CLSPN: variants seen among roughly 807,000 people sequenced by gnomAD.
The protein encoded by CLSPN is claspin.
Under a neutral mutation model 156.3 loss-of-function variants are expected in CLSPN, and 85 were observed. That is an observed-to-expected ratio of 0.54 (90% confidence interval 0.46 to 0.65). The LOEUF (loss-of-function observed/expected upper bound fraction) is 0.65, where lower values mean the gene tolerates loss of function less well. CLSPN is among the 30% of genes least tolerant of loss of function. The pLI is 0.00. For missense variants in CLSPN, 1,407 were observed against 1,554.9 expected, an observed-to-expected ratio of 0.90 and a Z score of 1.60; for synonymous variants, 534 against 542.4, an observed-to-expected ratio of 0.98 and a Z score of 0.22.
intron 9 of CLSPN, among the ~76,000 whole-genome samples, chr1:35,752,936 T>C (rs981958533): frequency 3.9e-5 from 6 of 152,224 alleles, no homozygotes; most frequent in African/African-American, 9.7e-5. Context: ...TTGGGAAGAC[T>C]AGTTTTTCAT....
chr1:35,736,472 T>C lies in CLSPN; in HGVS notation c.*24A>G. 6.4e-7 allele frequency: 1 copy of C among 1,566,366 alleles called. No homozygotes were observed. Among genetic ancestry groups the C allele is most frequent in the Non-Finnish European group, 8.6e-7 (1 of 1,159,462 alleles). The stretch of plus-strand genomic sequence containing the variant: ...GAAACTTCTCAAAGCAGTCTCAATG[T>C]AGATTTTGGCACCTTTGATGGTGTT... On this transcript the variant is annotated 3_prime_UTR_variant, in exon 25 of 25. Coordinates refer to ENST00000318121, the MANE Select transcript of CLSPN (RefSeq NM_022111.4).
At chr1:35,755,799 C>T (rs1642254684) in intron 8 of CLSPN, among the ~76,000 whole-genome samples, 1 of 152,170 alleles carries the variant, frequency 6.6e-6, no homozygotes, top group Non-Finnish European at 1.5e-5. Context: ...ACCTTGACCT[C>T]CTGGGTTTAA....
chr1:35,766,946 A>G (rs1292019918), intron 1 of CLSPN, among the ~76,000 whole-genome samples: 1 of 136,808 alleles, frequency 7.3e-6, no homozygotes, highest in African/African-American at 2.8e-5. Context: ...GGGGTTTCAC[A>G]ATGTTAGCCA....
chr1:35,751,629 CTTT>C, intron 9 of CLSPN, 123 bp from the exon 10 acceptor site: 3 of 1,297,156 alleles, frequency 2.3e-6, no homozygotes, highest in Non-Finnish European at 2.1e-6. Context: ...GTATTCTGGG[CTTT>C]TTTGTTATTT....
chr1:35,745,944 T>C (rs1038029463), intron 15 of CLSPN, among the ~76,000 whole-genome samples: 1 of 152,224 alleles, frequency 6.6e-6, no homozygotes, highest in East Asian at 1.9e-4. Flanking sequence ...GCAGTCTTTT[T>C]TTTTTTCAAG....
In CLSPN at chr1:35,736,579, T is replaced by C. The variant is rs1641482318; in HGVS notation, c.3937A>G (p.Thr1313Ala). ...QVKKRGPSFM[T>A]SPSPKHLKTD... is the part of the protein sequence containing the mutation. ...TTGAGGTGCTTAGGTGAAGGAGAAG[T>C]CATGAAAGATGGACCCCTTTTCTTT... Residue 1313 changes from threonine (T) to alanine (A), a missense_variant, in exon 25 of 25, where the codon ACT (threonine) becomes GCT (alanine). By Grantham distance (58) the Thr-to-Ala change is moderately conservative (BLOSUM62 0). This residue lies in a region of CLSPN where 241 missense variants were observed against 240.5 expected (regional missense o/e 1.00). Transcript: ENST00000318121. 1 of 1,612,190 alleles carries C rather than the reference T, an allele frequency of 6.2e-7. No homozygotes were observed. Among genetic ancestry groups the C allele is most frequent in the African/African-American group, 1.3e-5 (1 of 74,828 alleles).
At chr1:35,736,791 T>C in intron 24 of CLSPN, 123 bp downstream of exon 24, 3 of 1,321,052 alleles carry the variant, frequency 2.3e-6, no homozygotes, top group Non-Finnish European at 3.1e-6. Context: ...TTGTACCTTA[T>C]CGGGGAGTGC....
intron 18 of CLSPN, among the ~76,000 whole-genome samples, chr1:35,740,346 A>G (rs1641648347): frequency 6.6e-6 from 1 of 151,980 alleles, no homozygotes; most frequent in African/African-American, 2.4e-5. Flanking sequence ...CCTTGGTCCC[A>G]TGTGGTCCAA....
intron 1 of CLSPN, among the ~76,000 whole-genome samples, chr1:35,768,175 C>T (rs1642735104): frequency 6.6e-6 from 1 of 152,148 alleles, no homozygotes; most frequent in South Asian, 2.1e-4. Flanking sequence ...CGAGACTAGC[C>T]TGGCCAATAC....
Position 35,753,804 on chromosome 1 carries a change from T to A in CLSPN, c.1712A>T (p.Asp571Val). Reference protein sequence around the residue: ...GTDGKEELKADVVPVTLAPKK... With the variant: ...GTDGKEELKAVVVPVTLAPKK... Reference sequence around the variant, plus strand: ...AGGTGCTAAAGTCACAGGTACCACATCTGCTTTTAGCTCTTCCTTTCCATC... The same window carrying A: ...AGGTGCTAAAGTCACAGGTACCACAACTGCTTTTAGCTCTTCCTTTCCATC... Residue 571 changes from aspartate to valine, a missense_variant, in exon 9 of 25, where the codon GAT (aspartate) becomes GTT (valine). By Grantham distance (152) the Asp-to-Val change is radical. Coordinates refer to ENST00000318121, the MANE Select transcript of CLSPN (RefSeq NM_022111.4). The A allele has an allele frequency of 2.5e-6, 4 of 1,614,234 alleles. No individual in the cohort carries two copies. Among genetic ancestry groups the A allele is most frequent in the Non-Finnish European group, 3.4e-6 (4 of 1,180,040 alleles).
At chr1:35,758,412 A>G (rs1188080962) in intron 8 of CLSPN, among the ~76,000 whole-genome samples, 2 of 152,172 alleles carry the variant, frequency 1.3e-5, no homozygotes, top group East Asian at 3.8e-4. Flanking sequence ...TGGGAGGCTG[A>G]GGCAGGCAGA....
intron 9 of CLSPN, among the ~76,000 whole-genome samples, chr1:35,751,814 C>T (rs576250550): frequency 2.0e-5 from 3 of 150,734 alleles, no homozygotes; most frequent in South Asian, 2.2e-4. Context: ...GATAAATTTA[C>T]CTATATTAAA....
In CLSPN at chr1:35,764,367, T is replaced by C. The variant is rs1206378296; in HGVS notation, c.481A>G (p.Thr161Ala). Reference protein sequence around the residue: ...SKKHIHDKEGTAGKAKVKSKR... With the variant: ...SKKHIHDKEGAAGKAKVKSKR... Reference sequence around the variant, plus strand: ...GATTTTACTTTTGCTTTTCCTGCAGTTCCTTCTTTATCATGTATGTGCTTT... The same window carrying C: ...GATTTTACTTTTGCTTTTCCTGCAGCTCCTTCTTTATCATGTATGTGCTTT... Residue 161 changes from threonine to alanine, a missense_variant, in exon 3 of 25, where the codon ACT (threonine) becomes GCT (alanine). Physicochemically the swap from Thr to Ala is moderately conservative, Grantham distance 58. Transcript: ENST00000318121. 3.7e-6 allele frequency: 6 copies of C among 1,610,670 alleles called. No homozygotes were observed. The highest frequency in any genetic ancestry group is 5.1e-6 in the Non-Finnish European group (6 of 1,178,886).
In CLSPN at chr1:35,735,717, A is replaced by G. The variant is rs186895712; in HGVS notation, c.*779T>C. 1 of 984,814 alleles carries G rather than the reference A, an allele frequency of 1.0e-6. No individual in the cohort carries two copies. Among genetic ancestry groups the G allele is most frequent in the East Asian group, 1.1e-4 (1 of 8,774 alleles). The allele number at this position is 984,814 out of a possible 1,614,324, so 61.0% of individuals were successfully genotyped here. A position where few individuals can be genotyped will look rare whatever the true frequency, so the allele number is the denominator to read the frequency against. ...AGTGAGACTATCTCAAAAAAAAAAA[A>G]AGAAATCTTTCTTTCACCGAGCCCT... On this transcript the variant is annotated 3_prime_UTR_variant, in exon 25 of 25. Transcript: ENST00000318121.
At chr1:35,736,710 GAAAAA>G in intron 24 of CLSPN, 104 bp from the exon 25 acceptor site, 1 of 1,451,416 alleles carries the variant, frequency 6.9e-7, no homozygotes. Flanking sequence ...ATTAACAACA[GAAAAA>G]AAGAAAGAAA....
intron 17 of CLSPN, 62 bp downstream of exon 17, chr1:35,743,393 A>G (rs1191275780): frequency 8.8e-6 from 13 of 1,478,298 alleles, no homozygotes; most frequent in Non-Finnish European, 1.2e-5. Context: ...AGGGGAAAAA[A>G]ACACTTGAGG....
In CLSPN at chr1:35,763,227, GGA is replaced by G. The variant is rs1339749532; in HGVS notation, c.675_676del (p.Pro226IlefsTer4). 5 of 1,608,804 alleles carry G rather than the reference GGA, an allele frequency of 3.1e-6. No individual in the cohort carries two copies. Among genetic ancestry groups the G allele is most frequent in the Non-Finnish European group, 4.2e-6 (5 of 1,178,360 alleles). On this transcript the variant is annotated frameshift_variant, in exon 4 of 25. Coordinates refer to ENST00000318121, the MANE Select transcript of CLSPN (RefSeq NM_022111.4). LOFTEE classifies it high-confidence loss of function. ...TTCTAATGACTCTTCATCTTCCAAT[GGA>G]GAGTTATTTTCATCCTCCAACCCAG...
chr1:35,720,631 A>T, exon 25 of CLSPN: 1 of 207,690 alleles, frequency 4.8e-6, no homozygotes, highest in South Asian at 1.0e-4. Context: ...TATTTTTAGT[A>T]GAGATGGGGT....
chr1:35,720,439 TCAC>T (rs905783640), exon 25 of CLSPN: 6 of 115,388 alleles, frequency 5.2e-5, no homozygotes, highest in Non-Finnish European at 8.7e-5. Flanking sequence ...ACCCAAATCC[TCAC>T]TTTTTTTTTT....
Sources: allele counts gnomAD v4.1 joint callset (sites outside exome capture counted in the v4.1 genomes callset), GRCh38; gene constraint gnomAD v4.1.1; regional missense constraint gnomAD v4.1.1; transcripts MANE v1.5; gene names NCBI Gene and HGNC (gene_info 2026-07-23, HGNC 2026-07-21).